NBAS: variants seen among roughly 807,000 people sequenced by gnomAD.
The protein encoded by NBAS is NBAS subunit of NRZ tethering complex, also known as NAG/BC035112 fusion.
NBAS carries 219 observed loss-of-function variants against 302.5 expected under a neutral mutation model. The ratio of observed to expected loss-of-function variants is 0.72; its 90% CI spans 0.65 to 0.81. The LOEUF is 0.81. Among genes scored for constraint, NBAS ranks in the 30% least tolerant of loss-of-function variants. The pLI, the probability that NBAS is intolerant of heterozygous loss-of-function variation, is 0.00. For missense variants in NBAS, 2,932 were observed against 2,841.6 expected (o/e 1.03, Z -0.72); for synonymous variants, 1,118 against 1,021.6 (o/e 1.09, Z -1.80).
chr2:15,248,160 C>T (rs555253027), intron 44 of NBAS, among the ~76,000 whole-genome samples: 96 of 152,162 alleles, frequency 6.3e-4, no homozygotes, highest in African/African-American at 2.2e-3. Flanking sequence ...CACTCAAAAC[C>T]GCGCAACTAC....
At chr2:14,921,720 T>G in the NBAS span, among the ~76,000 whole-genome samples, 1 of 152,122 alleles carries the variant, frequency 6.6e-6, no homozygotes, top group African/African-American at 2.4e-5. Flanking sequence ...TGTGTGTGAT[T>G]GTATGTGTGT....
At chr2:14,889,042 A>G in the NBAS span, among the ~76,000 whole-genome samples, 1 of 152,032 alleles carries the variant, frequency 6.6e-6, no homozygotes, top group South Asian at 2.1e-4. Context: ...TTCCAATCTC[A>G]CCTACTTCAC....
intron 10 of NBAS, among the ~76,000 whole-genome samples, chr2:15,507,904 A>G (rs1318075899): frequency 6.6e-6 from 1 of 152,252 alleles, no homozygotes; most frequent in East Asian, 1.9e-4. Flanking sequence ...AGTCTGTTTT[A>G]CAACCTAGCA....
chr2:15,297,400 T>G (rs1558512687), intron 40 of NBAS, among the ~76,000 whole-genome samples: 2 of 152,226 alleles, frequency 1.3e-5, no homozygotes, highest in Non-Finnish European at 2.9e-5. Flanking sequence ...CATCTCGAAT[T>G]GTAATCCCCA....
In NBAS at chr2:15,546,320, T is replaced by C. The variant is rs139720824; in HGVS notation, c.379+5173A>G. 5.2e-3 allele frequency among the ~76,000 whole-genome samples: 788 copies of C among 152,322 alleles called. 3 individuals are homozygous for C. The highest frequency in any genetic ancestry group is 0.017 in the African/African-American group (700 of 41,570). On this transcript the variant is annotated intron_variant, in intron 6 of 51. Coordinates refer to ENST00000281513, the MANE Select transcript of NBAS (RefSeq NM_015909.4). ...AAGTTTCTACGAAGAATGTGTATTA[T>C]GTTTTCAATAGGAAAAAATTACTTC...
the NBAS span, among the ~76,000 whole-genome samples, chr2:14,872,407 T>C: frequency 2.0e-5 from 3 of 152,138 alleles, no homozygotes; most frequent in Non-Finnish European, 2.9e-5. Context: ...AGAATATGCA[T>C]ATTTTTTTTC....
the NBAS span, among the ~76,000 whole-genome samples, chr2:14,959,744 G>T: frequency 1.3e-5 from 2 of 152,050 alleles, no homozygotes; most frequent in Non-Finnish European, 2.9e-5. Context: ...CATATGACAT[G>T]TTCCATCTTA....
the NBAS span, among the ~76,000 whole-genome samples, chr2:15,028,618 G>A: frequency 1.3e-5 from 2 of 152,164 alleles, no homozygotes; most frequent in African/African-American, 4.8e-5. Context: ...TTCCTCTGAT[G>A]TCATCTTGCT....
At chr2:14,899,284 G>A in the NBAS span, among the ~76,000 whole-genome samples, 1 of 152,234 alleles carries the variant, frequency 6.6e-6, no homozygotes, top group Non-Finnish European at 1.5e-5. Context: ...TCAGAGACCT[G>A]TGCCCACAGC....
the NBAS span, among the ~76,000 whole-genome samples, chr2:15,015,347 A>G: frequency 1.8e-4 from 28 of 152,142 alleles, no homozygotes; most frequent in South Asian, 5.6e-3. Flanking sequence ...AAAGAAAACT[A>G]TAGCCCTATA....
At position 15,190,303 on chromosome 2, in the gene NBAS, A is replaced by G; in HGVS notation, c.6533T>C (p.Leu2178Ser). 6.2e-7 allele frequency: 1 copy of G among 1,614,010 alleles called. No individual in the cohort carries two copies. Among genetic ancestry groups the G allele is most frequent in the Non-Finnish European group, 8.5e-7 (1 of 1,179,926 alleles). ...CATAGGTGGCCAAGCTTGCAAAAGT[A>G]AAACCAAGTGCTGAAATTCAGCCTC... ...HHEAEFQHLV[L>S]LLQAWPPMKS... Residue 2178 changes from leucine (L) to serine (S), a missense_variant, in exon 49 of 52, where the codon TTA becomes TCA. Leu to Ser is a moderately radical substitution (Grantham distance 145). Coordinates refer to ENST00000281513, the MANE Select transcript of NBAS (RefSeq NM_015909.4).
chr2:14,839,201 A>T, the NBAS span, among the ~76,000 whole-genome samples: 5 of 76,322 alleles, frequency 6.6e-5, no homozygotes, highest in Non-Finnish European at 1.3e-4. Flanking sequence ...AATAGAAATT[A>T]AAAAAAACTC....
At chr2:15,035,839 G>A in the NBAS span, among the ~76,000 whole-genome samples, 14 of 152,130 alleles carry the variant, frequency 9.2e-5, no homozygotes, top group East Asian at 1.2e-3. Flanking sequence ...AGGCCTGTCC[G>A]GGGTGGGAGA....
In NBAS at chr2:15,203,884, G is replaced by GTGCC. The variant is rs1553340934; in HGVS notation, c.6433-13482_6433-13481insGGCA. On this transcript the variant is annotated intron_variant, in intron 48 of 51. Coordinates refer to ENST00000281513, the MANE Select transcript of NBAS (RefSeq NM_015909.4). The stretch of plus-strand genomic sequence containing the variant: ...TGTGTCTGTGTCTGTGTGTGTGTGT[G>GTGCC]TGTGCTTGTGTGTGTGTGTGTGTGT... 6.8e-5 allele frequency among the ~76,000 whole-genome samples: 8 copies of GTGCC among 117,280 alleles called. No homozygotes were observed. In the South Asian group the frequency reaches 2.0e-3, roughly 29 times the overall value. 76.9% of individuals were successfully genotyped at this position (117,280 alleles called of 152,430 possible).
At chr2:15,513,634 C>T (rs1662245689) in intron 9 of NBAS, among the ~76,000 whole-genome samples, 1 of 148,792 alleles carries the variant, frequency 6.7e-6, no homozygotes, top group Non-Finnish European at 1.5e-5. Context: ...CCCACACACA[C>T]ATAATCAAAG....
the NBAS span, among the ~76,000 whole-genome samples, chr2:14,879,865 TAAC>T: frequency 6.6e-6 from 1 of 152,114 alleles, no homozygotes; most frequent in Non-Finnish European, 1.5e-5. Context: ...GAAACACAGA[TAAC>T]ATCATGCTCA....
the NBAS span, among the ~76,000 whole-genome samples, chr2:14,829,864 G>A: frequency 3.3e-4 from 50 of 152,318 alleles, no homozygotes; most frequent in Non-Finnish European, 6.2e-4. Flanking sequence ...GTTTCCGAAC[G>A]TGGCTGATCA....
rs564827860 is a variant in NBAS at position 15,531,680 on chromosome 2, CCTAA to C, written c.746+2859_746+2862del. On this transcript the variant is annotated intron_variant, in intron 9 of 51. Coordinates refer to ENST00000281513, the MANE Select transcript of NBAS (RefSeq NM_015909.4). The stretch of plus-strand genomic sequence containing the variant: ...TACTCTGTGTCACTATCTGCTTCAG[CCTAA>C]CTGTCTTCACTGCTGTTCCTAGAAA... Among the ~76,000 whole-genome samples, 294 of 152,324 alleles carry C rather than the reference CCTAA, an allele frequency of 1.9e-3. 1 individual carries two copies. The highest frequency in any genetic ancestry group is 6.8e-3 in the African/African-American group (282 of 41,586).
At chr2:14,880,180 T>C in the NBAS span, among the ~76,000 whole-genome samples, 2 of 152,110 alleles carry the variant, frequency 1.3e-5, no homozygotes, top group African/African-American at 4.8e-5. Context: ...GAAGGAGCCC[T>C]TGAACAAAGA....
Sources: gnomAD v4.1 joint callset for allele counts (sites outside exome capture counted in the v4.1 genomes callset) on GRCh38, gnomAD v4.1.1 for gene constraint, MANE v1.5 for transcripts, NCBI Gene and HGNC (gene_info 2026-07-23, HGNC 2026-07-21) for gene names.